Variants in LOXL4 observed in about 807,000 individuals in gnomAD.
The protein encoded by LOXL4 is lysyl oxidase like 4.
A neutral mutation model predicts 89.1 loss-of-function variants in LOXL4; 72 were observed. That is an observed-to-expected ratio of 0.81 (90% CI 0.67 to 0.98). LOXL4 has a LOEUF of 0.98. Ranked by LOEUF, LOXL4 falls within the 50% of genes least tolerant of loss-of-function variation. The pLI is 0.00. For synonymous variants in LOXL4, 355 were observed against 392.1 expected (o/e 0.91, Z 1.12); for missense variants, 984 against 1,017.5 (o/e 0.97, Z 0.45).
rs1354700767 is a variant in LOXL4 at position 98,265,161 on chromosome 10, C to G, written c.-32-2110G>C. 2.6e-5 allele frequency among the ~76,000 whole-genome samples: 4 copies of G among 152,294 alleles called. No individual in the cohort carries two copies. The East Asian group carries it at 5.8e-4, about 22-fold the overall frequency. On this transcript the variant is annotated intron_variant, in intron 1 of 14. Transcript: ENST00000260702. ...GGTGGCAGCACAGTGCTTGAGAGCA[C>G]AGGCTGGGCGGTCAGACTGCTGGGG...
intron 1 of LOXL4, among the ~76,000 whole-genome samples, chr10:98,267,479 T>C (rs1590887915): frequency 6.6e-6 from 1 of 152,164 alleles, no homozygotes; most frequent in South Asian, 2.1e-4. Flanking sequence ...TGGGGGGTGC[T>C]GTCCTGAGGG....
At position 98,251,141 on chromosome 10, in the gene LOXL4, T is replaced by TGACTCTGCCA. The variant is rs768096929; in HGVS notation, c.2114_2123dup (p.Asp709GlyfsTer17). ...ACTGCAGCATATTGTTGGAGAAATC[T>TGACTCTGCCA]GACTCTGCCACTTCATAGTGGGGGT... On this transcript the variant is annotated frameshift_variant, in exon 14 of 15. Coordinates refer to ENST00000260702, the MANE Select transcript of LOXL4 (RefSeq NM_032211.7). LOFTEE classifies it high-confidence loss of function. 149 of 1,614,034 alleles carry TGACTCTGCCA rather than the reference T, an allele frequency of 9.2e-5. No homozygotes were observed. Among genetic ancestry groups the TGACTCTGCCA allele is most frequent in the Non-Finnish European group, 1.2e-4 (143 of 1,180,018 alleles).
Position 98,259,023 on chromosome 10 carries a change from C to A in LOXL4, c.907G>T (p.Gly303Trp). The A allele has an allele frequency of 6.4e-7, 1 of 1,551,886 alleles. No individual in the cohort carries two copies. The highest frequency in any genetic ancestry group is 8.7e-7 in the Non-Finnish European group (1 of 1,146,856). ...CCAGGGCTCACCTCTGCCCAGGACC[C>A]TTTGCGTTGTGGCTTTGTCTTCGGT... ...RPPKTKPQRK[G>W]SWAEEPRVRL... The change falls in exon 6 of 15, where the codon GGG becomes TGG. Residue 303 changes from glycine (G) to tryptophan (W), a missense_variant. Coordinates refer to ENST00000260702, the MANE Select transcript of LOXL4 (RefSeq NM_032211.7).
Position 98,262,175 on chromosome 10 carries a change from C to G in LOXL4, c.316G>C (p.Glu106Gln). The change falls in exon 3 of 15, where the codon GAG (glutamate) becomes CAG (glutamine). Residue 106 changes from glutamate (E) to glutamine (Q), a missense_variant. Glu to Gln is a conservative substitution (Grantham distance 29). Coordinates refer to ENST00000260702, the MANE Select transcript of LOXL4 (RefSeq NM_032211.7). ...WLDNVRCVGT[E>Q]SSLDQCGSNG... ...GACCCGCACTGGTCCAAGGAGCTCT[C>G]TGTGCCCACACAGCGCACATTGTCC... The G allele has an allele frequency of 1.2e-6, 2 of 1,613,822 alleles. No homozygotes were observed. Among genetic ancestry groups the G allele is most frequent in the South Asian group, 1.1e-5 (1 of 91,088 alleles).
chr10:98,252,832 T>A, intron 11 of LOXL4, among the ~76,000 whole-genome samples: 1 of 152,212 alleles, frequency 6.6e-6, no homozygotes, highest in East Asian at 1.9e-4. Context: ...AGAGGGTCCC[T>A]GTAAGCCTGG....
Position 98,251,107 on chromosome 10 carries a change from TGC to T in LOXL4, c.2156_2157del (p.Cys719Ter), listed in dbSNP as rs762034324. 11 of 1,614,052 alleles carry T rather than the reference TGC, an allele frequency of 6.8e-6. No individual in the cohort carries two copies. Among genetic ancestry groups the T allele is most frequent in the Non-Finnish European group, 7.6e-6 (9 of 1,180,040 alleles). On this transcript the variant is annotated frameshift_variant, in exon 14 of 15. Coordinates refer to ENST00000260702, the MANE Select transcript of LOXL4 (RefSeq NM_032211.7). LOFTEE classifies it high-confidence loss of function. ...DFSNNMLQCR[C>X]KYDGHRVWLH... ...AGCCAGACCCGGTGCCCATCATACT[TGC>T]AGCGGCACTGCAGCATATTGTTGGA...
At chr10:98,257,042 G>A in intron 8 of LOXL4, 95 bp from the exon 9 acceptor site, 1 of 1,427,954 alleles carries the variant, frequency 7.0e-7, no homozygotes, top group Non-Finnish European at 9.5e-7. Flanking sequence ...AGCTCACTGT[G>A]TCACCCTAGA....
intron 2 of LOXL4, 71 bp downstream of exon 2, chr10:98,262,672 G>A (rs1858578362): frequency 6.5e-7 from 1 of 1,546,518 alleles, no homozygotes; most frequent in Admixed American, 1.7e-5. Context: ...ATGGGTGGGT[G>A]TCAGTGAGCC....
At chr10:98,258,908 C>T (rs1243779315) in intron 6 of LOXL4, 101 bp downstream of exon 6, 1 of 846,960 alleles carries the variant, frequency 1.2e-6, no homozygotes, top group East Asian at 2.7e-5. Flanking sequence ...CAGTCTGGTT[C>T]CTCTCTCCTG....
rs777467557 is a variant in LOXL4 at position 98,255,587 on chromosome 10, G to A, written c.1581C>T (p.Ser527=). ...HGGGRFLAGV[S]CMDSAPDLVM... ...CCCTCCGTCACTCACTGTCCATGCAGGAGACTCCAGCCAGGAAGCGCCCGC... is the reference window on the plus strand; with the variant it reads ...CCCTCCGTCACTCACTGTCCATGCAAGAGACTCCAGCCAGGAAGCGCCCGC... The change falls in exon 10 of 15, where the codon TCC becomes TCT. Residue 527 remains serine (S), a synonymous_variant. Transcript: ENST00000260702. 6.2e-7 allele frequency: 1 copy of A among 1,608,126 alleles called. No individual in the cohort carries two copies.
In LOXL4 at chr10:98,253,501, C is replaced by G. The variant is rs923804758; in HGVS notation, c.1835+52G>C. On this transcript the variant is annotated intron_variant, in intron 11 of 14. Coordinates refer to ENST00000260702, the MANE Select transcript of LOXL4 (RefSeq NM_032211.7). The stretch of plus-strand genomic sequence containing the variant: ...GGGAAGGGCCAAACTGCTCCCTGGA[C>G]CCTGCTTTTTGTTCCTAACCCTCTA... The G allele has an allele frequency of 5.0e-5, 81 of 1,611,498 alleles. 1 individual carries two copies. Among genetic ancestry groups the G allele is most frequent in the Non-Finnish European group, 6.7e-5 (79 of 1,178,482 alleles).
rs760091584 is a variant in LOXL4 at position 98,248,936 on chromosome 10, C to T, written c.2256G>A (p.Arg752=). The change falls in exon 15 of 15, where the codon AGG becomes AGA. Residue 752 remains arginine (R), a synonymous_variant. Transcript: ENST00000260702. The part of the protein sequence containing the change: ...ELSLEQEQRL[R]NNLI ...AGTGACAGCTTCAGATGAGGTTGTT[C>T]CTGAGACGCTGTTCCTGCTCCAGGG... The T allele has an allele frequency of 8.7e-6, 14 of 1,613,736 alleles. No homozygotes were observed. The highest frequency in any genetic ancestry group is 5.0e-5 in the Admixed American group (3 of 59,996).
chr10:98,252,560 A>G, intron 11 of LOXL4, 92 bp from the exon 12 acceptor site: 2 of 832,914 alleles, frequency 2.4e-6, no homozygotes, highest in South Asian at 1.6e-5. Context: ...AGGCCCCATC[A>G]TGACCCGAGA....
At chr10:98,257,940 A>T in intron 7 of LOXL4, 41 bp downstream of exon 7, 1 of 1,604,924 alleles carries the variant, frequency 6.2e-7, no homozygotes, top group Non-Finnish European at 8.5e-7. Context: ...GACCAGTGGC[A>T]TATCCAGGCC....
intron 14 of LOXL4, among the ~76,000 whole-genome samples, chr10:98,250,642 C>G (rs561096822): frequency 2.6e-5 from 4 of 152,180 alleles, no homozygotes; most frequent in Non-Finnish European, 5.9e-5. Flanking sequence ...CCCCTTCTTG[C>G]AAGCAGTGAT....
At position 98,257,666 on chromosome 10, in the gene LOXL4, A is replaced by G; in HGVS notation, c.1244T>C (p.Met415Thr). The change falls in exon 8 of 15, where the codon ATG (methionine) becomes ACG (threonine). Residue 415 changes from methionine to threonine, a missense_variant. Met to Thr is a moderately conservative substitution (Grantham distance 81). Coordinates refer to ENST00000260702, the MANE Select transcript of LOXL4 (RefSeq NM_032211.7). ...DAAVRCNVPNMGFQNQVRLAG... is the reference protein window; with the variant it reads ...DAAVRCNVPNTGFQNQVRLAG... Reference sequence around the variant, plus strand: ...CAAACTCACCTGATTCTGAAAGCCCATGTTAGGGACATTGCACCTGACAGC... The same window carrying G: ...CAAACTCACCTGATTCTGAAAGCCCGTGTTAGGGACATTGCACCTGACAGC... 3 of 1,613,830 alleles carry G rather than the reference A, an allele frequency of 1.9e-6. No homozygotes were observed. Among genetic ancestry groups the G allele is most frequent in the Non-Finnish European group, 2.5e-6 (3 of 1,179,864 alleles).
In LOXL4 at chr10:98,261,123, C is replaced by T. The variant is rs33995374; in HGVS notation, c.461G>A (p.Arg154Gln). ...TVSNALGPQG[R>Q]RLEEVRLKPI... ...CTTGAGCCGCACCTCCTCCAGCCGC[C>T]GGCCCTGCGGGGTGCACAGTCACCT... The change falls in exon 4 of 15, where the codon CGG (arginine) becomes CAG (glutamine). Residue 154 changes from arginine to glutamine, a missense_variant. Coordinates refer to ENST00000260702, the MANE Select transcript of LOXL4 (RefSeq NM_032211.7). 0.13 allele frequency: 217,327 copies of T among 1,610,946 alleles called. 15,657 individuals carry two copies. Among genetic ancestry groups the T allele is most frequent in the Non-Finnish European group, 0.15 (173,537 of 1,179,852 alleles).
chr10:98,263,420 G>A (rs558474108), intron 1 of LOXL4, among the ~76,000 whole-genome samples: 1 of 152,298 alleles, frequency 6.6e-6, no homozygotes, highest in East Asian at 1.9e-4. Context: ...ATAAACAGCA[G>A]CTCTTATACA....
chr10:98,259,555 C>A, intron 4 of LOXL4, 126 bp from the exon 5 acceptor site: 1 of 843,582 alleles, frequency 1.2e-6, no homozygotes, highest in Non-Finnish European at 2.0e-6. Flanking sequence ...ATTCACTAAT[C>A]TGATTTCAAT....
Sources: gnomAD v4.1 joint callset for allele counts (sites outside exome capture counted in the v4.1 genomes callset) on GRCh38, gnomAD v4.1.1 for gene constraint, MANE v1.5 for transcripts, NCBI Gene and HGNC (gene_info 2026-07-23, HGNC 2026-07-21) for gene names.